Variants in CSMD1 observed in about 807,000 individuals in gnomAD.
CSMD1 encodes CUB and Sushi multiple domains 1.
CSMD1 carries 213 observed loss-of-function variants against 417.5 expected under a neutral mutation model. The ratio of observed to expected loss-of-function variants is 0.51; its 90% CI spans 0.46 to 0.57. The LOEUF is 0.57. CSMD1 is among the 20% of genes least tolerant of loss of function. The pLI, the probability that CSMD1 is intolerant of heterozygous loss-of-function variation, is 0.00. For synonymous variants in CSMD1, 2,862 were observed against 1,736.8 expected, an observed-to-expected ratio of 1.65 and a Z score of -16.11; for missense variants, 6,923 against 4,529.7, an observed-to-expected ratio of 1.53 and a Z score of -15.17.
intron 1 of CSMD1, among the ~76,000 whole-genome samples, chr8:4,730,240 T>A (rs929099087): frequency 2.0e-5 from 3 of 150,952 alleles, no homozygotes; most frequent in Non-Finnish European, 4.4e-5. Flanking sequence ...AAACAAAACA[T>A]ATATATATAT....
At chr8:4,237,412 C>A (rs538203294) in intron 3 of CSMD1, among the ~76,000 whole-genome samples, 2 of 152,080 alleles carry the variant, frequency 1.3e-5, no homozygotes, top group Admixed American at 6.5e-5. Flanking sequence ...CACACCCAGG[C>A]AGTTTTTTGT....
intron 3 of CSMD1, among the ~76,000 whole-genome samples, chr8:4,358,549 A>C (rs953161216): frequency 6.6e-6 from 1 of 152,238 alleles, no homozygotes; most frequent in African/African-American, 2.4e-5. Context: ...TATGGCCTAC[A>C]AAACTTAAAA....
chr8:4,129,856 T>A (rs991238823), intron 3 of CSMD1, among the ~76,000 whole-genome samples: 1 of 152,204 alleles, frequency 6.6e-6, no homozygotes, highest in Non-Finnish European at 1.5e-5. Context: ...TGGTTCCTGC[T>A]TTTTCATAGC....
At chr8:4,905,819 C>CAAAAAAAAAAAAAA (rs147276107) in intron 1 of CSMD1, among the ~76,000 whole-genome samples, 2 of 94,326 alleles carry the variant, frequency 2.1e-5, no homozygotes, top group East Asian at 3.7e-4. Context: ...GACTCCATCT[C>CAAAAAAAAAAAAAA]AAAAAAAAAA....
intron 46 of CSMD1, among the ~76,000 whole-genome samples, chr8:3,098,202 T>A (rs917552117): frequency 2.0e-5 from 3 of 152,236 alleles, no homozygotes; most frequent in Non-Finnish European, 4.4e-5. Flanking sequence ...TGTTAAGAGT[T>A]CTATAGTTAA....
At chr8:3,223,200 TTTAGCAAGTACAAG>T (rs1798314262) in intron 28 of CSMD1, among the ~76,000 whole-genome samples, 1 of 152,210 alleles carries the variant, frequency 6.6e-6, no homozygotes, top group Non-Finnish European at 1.5e-5. Flanking sequence ...CATCGTCTAG[TTTAGCAAGTACAAG>T]TTAGCATATT....
intron 3 of CSMD1, among the ~76,000 whole-genome samples, chr8:4,202,753 G>C (rs540844774): frequency 6.6e-6 from 1 of 152,288 alleles, no homozygotes; most frequent in East Asian, 1.9e-4. Context: ...GTTACAAAGG[G>C]AGAAAATGAT....
intron 5 of CSMD1, among the ~76,000 whole-genome samples, chr8:3,764,438 C>T (rs187373339): frequency 6.2e-4 from 95 of 152,292 alleles, no homozygotes; most frequent in African/African-American, 2.0e-3. Context: ...AGACACCTTA[C>T]TGGGCCCTGA....
intron 2 of CSMD1, among the ~76,000 whole-genome samples, chr8:4,506,862 G>A (rs1254913970): frequency 6.6e-6 from 1 of 152,148 alleles, no homozygotes; most frequent in Non-Finnish European, 1.5e-5. Flanking sequence ...TTGTACGATT[G>A]ATAAGTTTAT....
chr8:4,151,964 G>GT (rs1464682470), intron 3 of CSMD1, among the ~76,000 whole-genome samples: 1 of 152,162 alleles, frequency 6.6e-6, no homozygotes, highest in Non-Finnish European at 1.5e-5. Flanking sequence ...GGTGTAAGCA[G>GT]TTACAATCCT....
intron 2 of CSMD1, among the ~76,000 whole-genome samples, chr8:4,452,146 G>T (rs969980865): frequency 3.3e-5 from 5 of 152,054 alleles, no homozygotes; most frequent in African/African-American, 1.2e-4. Flanking sequence ...AGCTTTCATT[G>T]TGCTTGGGAG....
chr8:3,966,212 C>G (rs1005402482), intron 5 of CSMD1, among the ~76,000 whole-genome samples: 1 of 152,044 alleles, frequency 6.6e-6, no homozygotes, highest in Non-Finnish European at 1.5e-5. Flanking sequence ...TGCCAGATTG[C>G]CAGCTTATTG....
intron 10 of CSMD1, among the ~76,000 whole-genome samples, chr8:3,552,656 G>C (rs923856325): frequency 1.3e-5 from 2 of 152,176 alleles, no homozygotes; most frequent in African/African-American, 4.8e-5. Flanking sequence ...TCTGTTGCAA[G>C]AGTATTCACA....
chr8:4,033,599 G>A (rs1340377746), intron 3 of CSMD1, among the ~76,000 whole-genome samples: 1 of 152,188 alleles, frequency 6.6e-6, no homozygotes, highest in Non-Finnish European at 1.5e-5. Context: ...AAACTAAGTT[G>A]TGGCTCAATC....
intron 5 of CSMD1, among the ~76,000 whole-genome samples, chr8:3,857,285 C>A (rs1394295897): frequency 6.6e-6 from 1 of 152,058 alleles, no homozygotes; most frequent in Non-Finnish European, 1.5e-5. Flanking sequence ...TAAACTGGGC[C>A]TTTAGCATTA....
At chr8:4,985,611 C>G (rs1448845131) in intron 1 of CSMD1, among the ~76,000 whole-genome samples, 1 of 152,144 alleles carries the variant, frequency 6.6e-6, no homozygotes, top group East Asian at 1.9e-4. Context: ...TAGTTCTACC[C>G]AGATCACATT....
chr8:2,961,072 C>T lies in CSMD1; in HGVS notation c.9702+69G>A, dbSNP rs1182288173. ...AAGGTATGATATAAAAAAGCACTCA[C>T]ATATGTTTAAGTAACAAATATATTT... On this transcript the variant is annotated intron_variant, in intron 62 of 69. Coordinates refer to ENST00000635120, the MANE Select transcript of CSMD1 (RefSeq NM_033225.6). 5.6e-6 allele frequency: 6 copies of T among 1,072,426 alleles called. No individual in the cohort carries two copies. The South Asian group carries it at 8.6e-5, about 15-fold the overall frequency. 66.4% of individuals were successfully genotyped at this position (1,072,426 alleles called of 1,614,324 possible).
At chr8:3,863,666 C>T (rs1413732152) in intron 5 of CSMD1, among the ~76,000 whole-genome samples, 2 of 152,292 alleles carry the variant, frequency 1.3e-5, no homozygotes, top group East Asian at 1.9e-4. Context: ...AACACACACA[C>T]ACACATTTCT....
At chr8:3,475,787 G>C (rs1024105799) in intron 11 of CSMD1, among the ~76,000 whole-genome samples, 13 of 152,222 alleles carry the variant, frequency 8.5e-5, no homozygotes, top group Non-Finnish European at 1.6e-4. Flanking sequence ...GAAATGATAT[G>C]TGATTATGTA....
Sources: gnomAD v4.1 joint callset for allele counts (sites outside exome capture counted in the v4.1 genomes callset) on GRCh38, gnomAD v4.1.1 for gene constraint, MANE v1.5 for transcripts, NCBI Gene and HGNC (gene_info 2026-07-23, HGNC 2026-07-21) for gene names.